GDI2: variants seen among roughly 807,000 people sequenced by gnomAD.
GDI2 encodes GDP dissociation inhibitor 2.
Under a neutral mutation model 54.2 loss-of-function variants are expected in GDI2, and 22 were observed. The ratio of observed to expected loss-of-function variants is 0.41; its 90% CI spans 0.29 to 0.58. GDI2 has a LOEUF of 0.58. Among genes scored for constraint, GDI2 ranks in the 20% least tolerant of loss-of-function variants. GDI2 has a pLI of 0.35. For missense variants in GDI2, 422 were observed against 546.0 expected, an observed-to-expected ratio of 0.77 and a Z score of 2.26; for synonymous variants, 177 against 182.1, an observed-to-expected ratio of 0.97 and a Z score of 0.23.
intron 6 of GDI2, among the ~76,000 whole-genome samples, chr10:5,783,762 T>C (rs1036397771): frequency 3.3e-5 from 5 of 152,230 alleles, no homozygotes; most frequent in African/African-American, 1.2e-4. Flanking sequence ...AGGCTCAAGA[T>C]AGGATCCCAA....
chr10:5,789,010 G>A (rs944645531), intron 4 of GDI2, among the ~76,000 whole-genome samples: 67 of 152,118 alleles, frequency 4.4e-4, no homozygotes, highest in African/African-American at 1.3e-3. Context: ...CAAGTGATCC[G>A]CCTGCCTCAG....
At chr10:5,781,483 G>T (rs1840754110) in intron 6 of GDI2, among the ~76,000 whole-genome samples, 1 of 151,818 alleles carries the variant, frequency 6.6e-6, no homozygotes. Flanking sequence ...AAATTAGCCG[G>T]GCGCGGTGGC....
rs1840633748 is a variant in GDI2, at chr10:5,776,891, A to G, written c.720-2950T>C. On this transcript the variant is annotated intron_variant, in intron 6 of 10. Transcript: ENST00000380191. This position sits in a 1 kb window ranked among gnomAD's most constrained non-coding sequence, Gnocchi z 5.3. ...GGAAGGCCAGAGAAGAGGGGAGAAG[A>G]GGAAATAATGCGAAAACAGTTAATC... The G allele has an allele frequency of 1.1e-6, 1 of 923,628 alleles. No homozygotes were observed. The highest frequency in any genetic ancestry group is 2.6e-5 in the East Asian group (1 of 38,890). The allele number at this position is 923,628 out of a possible 1,614,324, so 57.2% of individuals were successfully genotyped here.
At chr10:5,809,519 G>C (rs563396338) in intron 1 of GDI2, among the ~76,000 whole-genome samples, 1 of 152,148 alleles carries the variant, frequency 6.6e-6, no homozygotes, top group Non-Finnish European at 1.5e-5. Context: ...TTTAAAGCCA[G>C]CTAAATATCT....
At position 5,782,930 on chromosome 10, in the gene GDI2, T is replaced by C. The variant is rs1028958433; in HGVS notation, c.719+2212A>G. ...CCTGGGCAACAAGAGTGGAACTCCA[T>C]CTCCAAAAAAAAGAATTACTGACAC... On this transcript the variant is annotated intron_variant, in intron 6 of 10. Coordinates refer to ENST00000380191, the MANE Select transcript of GDI2 (RefSeq NM_001494.4). 6.6e-5 allele frequency among the ~76,000 whole-genome samples: 10 copies of C among 152,022 alleles called. No homozygotes were observed. The East Asian group carries it at 1.7e-3, about 26-fold the overall frequency.
rs1228179579 is a variant in GDI2, at chr10:5,766,405, C to T, written c.1136+89G>A. ...AATCCCACAGAGCAGCCAGCAGCTA[C>T]CTGCCTTGCCCTCACATTCGTCCCA... is the stretch of plus-strand genomic sequence containing the variant. On this transcript the variant is annotated intron_variant, in intron 9 of 10. Coordinates refer to ENST00000380191, the MANE Select transcript of GDI2 (RefSeq NM_001494.4). This position sits in a 1 kb window ranked among gnomAD's most constrained non-coding sequence, Gnocchi z 5.8. 1 of 1,520,626 alleles carries T rather than the reference C, an allele frequency of 6.6e-7. No individual in the cohort carries two copies. The allele number at this position is 1,520,626 out of a possible 1,614,324, so 94.2% of individuals were successfully genotyped here.
intron 6 of GDI2, among the ~76,000 whole-genome samples, chr10:5,781,157 A>G (rs1302324630): frequency 2.7e-5 from 4 of 150,260 alleles, no homozygotes; most frequent in African/African-American, 9.7e-5. Flanking sequence ...AGCTAAAACA[A>G]CTAAATATTC....
intron 4 of GDI2, among the ~76,000 whole-genome samples, chr10:5,794,208 T>A (rs1365938360): frequency 0.071 from 6,306 of 88,212 alleles, 967 homozygotes; most frequent in Non-Finnish European, 0.11. Flanking sequence ...TATATATATA[T>A]ATATATATAT....
In GDI2 at chr10:5,774,046, T is replaced by C; in HGVS notation, c.720-105A>G. On this transcript the variant is annotated intron_variant, in intron 6 of 10. Transcript: ENST00000380191. The surrounding 1 kb of genome is among the most constrained non-coding windows in gnomAD (Gnocchi z 4.8). ...TTACAGACAATATACATTTGTTCAA[T>C]TTCCTTCTAGAAAGATGTCAGCTTA... The C allele has an allele frequency of 1.8e-6, 1 of 570,648 alleles. No homozygotes were observed. Among genetic ancestry groups the C allele is most frequent in the Non-Finnish European group, 3.0e-6 (1 of 328,300 alleles). The allele number at this position is 570,648 out of a possible 1,614,324, so 35.3% of individuals were successfully genotyped here.
chr10:5,811,985 G>A (rs1450243017), intron 1 of GDI2: 5 of 621,262 alleles, frequency 8.0e-6, no homozygotes, highest in Non-Finnish European at 9.6e-6. Context: ...AAATTGGTTT[G>A]ACCCTGAGAG....
At chr10:5,806,684 C>T in intron 1 of GDI2, among the ~76,000 whole-genome samples, 1 of 151,910 alleles carries the variant, frequency 6.6e-6, no homozygotes, top group Non-Finnish European at 1.5e-5. Context: ...CTAATACTGA[C>T]TAAAACAATT....
At chr10:5,806,416 A>C (rs887410281) in intron 1 of GDI2, among the ~76,000 whole-genome samples, 1 of 151,468 alleles carries the variant, frequency 6.6e-6, no homozygotes, top group Non-Finnish European at 1.5e-5. Context: ...AAAAAAAAAA[A>C]AACAAAAAAA....
chr10:5,794,732 ATG>A (rs1434508840), intron 4 of GDI2, among the ~76,000 whole-genome samples, 151 bp downstream of exon 4: 1 of 152,168 alleles, frequency 6.6e-6, no homozygotes, highest in African/African-American at 2.4e-5. Context: ...TTGTTCACTG[ATG>A]TGTTCCCAAC....
intron 5 of GDI2, 106 bp from the exon 6 acceptor site, chr10:5,785,379 T>C: frequency 2.4e-6 from 2 of 846,892 alleles, no homozygotes; most frequent in Non-Finnish European, 3.7e-6. Context: ...TTCTTTTTTG[T>C]TTTTTTGTTT....
At chr10:5,797,543 C>CAAAAAA (rs772570487) in intron 2 of GDI2, among the ~76,000 whole-genome samples, 1 of 45,356 alleles carries the variant, frequency 2.2e-5, no homozygotes. Context: ...GACTCCATCT[C>CAAAAAA]AAAAAAAAAA....
chr10:5,776,541 G>C lies in GDI2; in HGVS notation c.720-2600C>G. The C allele has an allele frequency of 6.4e-7, 1 of 1,552,970 alleles. No individual in the cohort carries two copies. Among genetic ancestry groups the C allele is most frequent in the Non-Finnish European group, 8.9e-7 (1 of 1,127,994 alleles). ...AATTATAGAGAAGCAGATTTGAAGAGGCATGTGGAATTCCTTGTGGCTGAG... is the reference window on the plus strand; with the variant it reads ...AATTATAGAGAAGCAGATTTGAAGACGCATGTGGAATTCCTTGTGGCTGAG... On this transcript the variant is annotated intron_variant, in intron 6 of 10. Coordinates refer to ENST00000380191, the MANE Select transcript of GDI2 (RefSeq NM_001494.4). This position sits in a 1 kb window ranked among gnomAD's most constrained non-coding sequence, Gnocchi z 5.3.
intron 3 of GDI2, among the ~76,000 whole-genome samples, chr10:5,796,039 G>A (rs759146799): frequency 1.3e-4 from 20 of 152,186 alleles, no homozygotes; most frequent in Non-Finnish European, 2.2e-4. Flanking sequence ...GTTTTTCAAT[G>A]TCATCTCAGA....
intron 4 of GDI2, among the ~76,000 whole-genome samples, chr10:5,786,449 G>A (rs968007744): frequency 7.2e-5 from 11 of 151,992 alleles, no homozygotes; most frequent in Non-Finnish European, 1.6e-4. Context: ...TTACAGGCAT[G>A]AGCCACCGCG....
chr10:5,803,425 A>G (rs1407551338), intron 1 of GDI2, among the ~76,000 whole-genome samples: 2 of 152,306 alleles, frequency 1.3e-5, no homozygotes, highest in African/African-American at 4.8e-5. Context: ...TCCTATCTCA[A>G]TAACAAAAAA....
Sources: allele counts gnomAD v4.1 joint callset (sites outside exome capture counted in the v4.1 genomes callset), GRCh38; gene constraint gnomAD v4.1.1; non-coding constraint Gnocchi (gnomAD v3.1); transcripts MANE v1.5; gene names NCBI Gene and HGNC (gene_info 2026-07-23, HGNC 2026-07-21).